Variants in GIPR observed in about 807,000 individuals in gnomAD.
The protein encoded by GIPR is GIP-R.
In GIPR, 74 loss-of-function variants were observed where a neutral mutation model predicts 62.2. The ratio of observed to expected loss-of-function variants is 1.19; its 90% CI spans 0.99 to 1.44. The LOEUF (loss-of-function observed/expected upper bound fraction) is 1.44, where lower values mean the gene tolerates loss of function less well. Ranked by LOEUF, GIPR falls within the 40% of genes most tolerant of loss-of-function variation. GIPR has a pLI of 0.00. For synonymous variants in GIPR, 256 were observed against 262.2 expected (o/e 0.98, Z 0.23); for missense variants, 664 against 611.8 (o/e 1.09, Z -0.90).
intron 12 of GIPR, chr19:45,678,452 C>A (rs964330700): frequency 1.2e-5 from 7 of 595,266 alleles, no homozygotes; most frequent in Non-Finnish European, 2.1e-5. Flanking sequence ...CAGCCTCTGA[C>A]TCCCGGGTTC....
intron 12 of GIPR, among the ~76,000 whole-genome samples, chr19:45,680,922 C>T (rs373164815): frequency 3.3e-5 from 5 of 151,940 alleles, no homozygotes; most frequent in African/African-American, 1.2e-4. Context: ...ATTACTGCTC[C>T]ATTTTCCAGA....
Position 45,671,289 on chromosome 19 carries a change from C to T in GIPR, c.177C>T (p.Leu59=). ...GGCCCCCGTGCCCACCCCCAGGCCT[C>T]GCCTGTAACGGGTCCTTCGATATGT... ...TLAAAEPPSG[L]ACNGSFDMYV... Residue 59 remains leucine, a synonymous_variant, in exon 4 of 14, where the codon CTC becomes CTT. Coordinates refer to ENST00000590918, the MANE Select transcript of GIPR (RefSeq NM_000164.4). 6.2e-7 allele frequency: 1 copy of T among 1,607,694 alleles called. No individual in the cohort carries two copies. The highest frequency in any genetic ancestry group is 1.1e-5 in the South Asian group (1 of 91,012).
At chr19:45,677,849 C>T in intron 10 of GIPR, 57 bp from the exon 11 acceptor site, 1 of 1,596,604 alleles carries the variant, frequency 6.3e-7, no homozygotes, top group Non-Finnish European at 8.6e-7. Flanking sequence ...GCTGCCACCT[C>T]CTCCTGCCCC....
At position 45,682,143 on chromosome 19, in the gene GIPR, A is replaced by T; in HGVS notation, c.*208A>T. On this transcript the variant is annotated 3_prime_UTR_variant, in exon 14 of 14. Coordinates refer to ENST00000590918, the MANE Select transcript of GIPR (RefSeq NM_000164.4). ...ACGCTATGGAATGGTTATGAAGGGA[A>T]GCGAGAAGGGGGCCTAGGGTGGTCT... The T allele has an allele frequency of 1.7e-6, 1 of 597,826 alleles. No homozygotes were observed. The highest frequency in any genetic ancestry group is 3.0e-6 in the Non-Finnish European group (1 of 336,182). The allele number at this position is 597,826 out of a possible 1,614,324, so 37.0% of individuals were successfully genotyped here.
intron 2 of GIPR, chr19:45,670,385 C>A: frequency 2.2e-6 from 1 of 445,030 alleles, no homozygotes; most frequent in Admixed American, 3.7e-5. Flanking sequence ...CCCAACAAGT[C>A]CTCCTGATAA....
intron 2 of GIPR, 197 bp from the exon 3 acceptor site, chr19:45,670,438 C>A: frequency 2.1e-6 from 1 of 468,022 alleles, no homozygotes; most frequent in Admixed American, 3.6e-5. Flanking sequence ...GGTTTTCAGT[C>A]TCCCATAGCA....
At chr19:45,672,767 C>T in intron 4 of GIPR, 84 bp from the exon 5 acceptor site, 3 of 803,462 alleles carry the variant, frequency 3.7e-6, no homozygotes, top group East Asian at 5.1e-5. Flanking sequence ...GGCTCTCTCC[C>T]TCTCTGTTAT....
chr19:45,682,532 T>A lies in GIPR; in HGVS notation c.*597T>A, dbSNP rs930391879. The A allele has an allele frequency of 2.0e-5, 3 of 152,086 alleles. No homozygotes were observed. The highest frequency in any genetic ancestry group is 7.3e-5 in the African/African-American group (3 of 41,288). 9.4% of individuals were successfully genotyped at this position (152,086 alleles called of 1,614,324 possible). On this transcript the variant is annotated 3_prime_UTR_variant, in exon 14 of 14. Coordinates refer to ENST00000590918, the MANE Select transcript of GIPR (RefSeq NM_000164.4). The stretch of plus-strand genomic sequence containing the variant: ...TCCCACCACGGGTCTCTCAAAGTGC[T>A]GGGATTACAGGCGTGAGCCACCGCA...
At chr19:45,681,190 C>T (rs1488348923) in intron 12 of GIPR, among the ~76,000 whole-genome samples, 1 of 151,984 alleles carries the variant, frequency 6.6e-6, no homozygotes, top group Non-Finnish European at 1.5e-5. Flanking sequence ...AGGGCGCGAG[C>T]TTATTAAGAG....
chr19:45,677,834 A>C, intron 10 of GIPR, 55 bp downstream of exon 10: 1 of 1,595,614 alleles, frequency 6.3e-7, no homozygotes, highest in East Asian at 2.2e-5. Flanking sequence ...CATTCTGGGA[A>C]GTGGGCTGCC....
At position 45,682,360 on chromosome 19, in the gene GIPR, G is replaced by A. The variant is rs1286052548; in HGVS notation, c.*425G>A. ...CCAACAGGTGGGGAGAGACAGAGAA[G>A]TGGGCAGGGGCACCCAAGTTGGGAT... On this transcript the variant is annotated 3_prime_UTR_variant, in exon 14 of 14. Coordinates refer to ENST00000590918, the MANE Select transcript of GIPR (RefSeq NM_000164.4). 10 of 176,606 alleles carry A rather than the reference G, an allele frequency of 5.7e-5. No homozygotes were observed. The highest frequency in any genetic ancestry group is 1.1e-4 in the Non-Finnish European group (9 of 84,474). The allele number at this position is 176,606 out of a possible 1,614,324, so 10.9% of individuals were successfully genotyped here.
At chr19:45,670,777 G>T in intron 3 of GIPR, 43 bp downstream of exon 3, 2 of 1,190,270 alleles carry the variant, frequency 1.7e-6, no homozygotes, top group Non-Finnish European at 1.2e-6. Flanking sequence ...ACCTGAGGCT[G>T]AGAGGGGTGG....
rs781235143 is a variant in GIPR, at chr19:45,669,492, C to G, written c.-29C>G. ...GACCCTCCAGGCCTGATCGCCCCTG[C>G]ACGAACCAGACCCTTCGCCGCCCTC... is the stretch of plus-strand genomic sequence containing the variant. On this transcript the variant is annotated 5_prime_UTR_variant, in exon 2 of 14. Coordinates refer to ENST00000590918, the MANE Select transcript of GIPR (RefSeq NM_000164.4). 6.4e-7 allele frequency: 1 copy of G among 1,560,008 alleles called. No individual in the cohort carries two copies. The highest frequency in any genetic ancestry group is 1.2e-5 in the South Asian group (1 of 85,086).
Position 45,670,053 on chromosome 19 carries a change from C to T in GIPR, c.72+461C>T, listed in dbSNP as rs915824194. Among the ~76,000 whole-genome samples the T allele has an allele frequency of 2.0e-5, 3 of 151,314 alleles. No individual in the cohort carries two copies. In the East Asian group the frequency reaches 5.9e-4, roughly 30 times the overall value. On this transcript the variant is annotated intron_variant, in intron 2 of 13. Coordinates refer to ENST00000590918, the MANE Select transcript of GIPR (RefSeq NM_000164.4). ...GGTGGTTTGTTTGTTTGTTTCGAGA[C>T]GGAGTCTCACTCTGTCACCCAGGCT...
At chr19:45,677,831 G>T (rs539793453) in intron 10 of GIPR, 52 bp downstream of exon 10, 25 of 1,600,562 alleles carry the variant, frequency 1.6e-5, no homozygotes, top group Middle Eastern at 1.6e-4. Context: ...TCCCATTCTG[G>T]GAAGTGGGCT....
rs1967274742 is a variant in GIPR, at chr19:45,682,009, A to C, written c.*74A>C. 1 of 1,270,176 alleles carries C rather than the reference A, an allele frequency of 7.9e-7. No homozygotes were observed. The highest frequency in any genetic ancestry group is 2.0e-5 in the Admixed American group (1 of 49,936). 78.7% of individuals were successfully genotyped at this position (1,270,176 alleles called of 1,614,324 possible). On this transcript the variant is annotated 3_prime_UTR_variant, in exon 14 of 14. Transcript: ENST00000590918. The stretch of plus-strand genomic sequence containing the variant: ...CAACTGCGTGCCAGGCCCAGTACGG[A>C]GGACGCTGGGGAAATGGTGAAGGAA...
At chr19:45,669,615 G>A in intron 2 of GIPR, 23 bp downstream of exon 2, 3 of 1,564,776 alleles carry the variant, frequency 1.9e-6, no homozygotes, top group Non-Finnish European at 2.6e-6. Context: ...GGAGCCAGAG[G>A]AGCTCCAGGC....
In GIPR at chr19:45,682,595, C is replaced by CT. The variant is rs1201833194; in HGVS notation, c.*661dup. Reference sequence around the variant, plus strand: ...TTTTTTTTTTAAACGGAGTCTCACTCTGTCACCCAGGCTGGAGTGCAGTGG... The same window carrying CT: ...TTTTTTTTTTAAACGGAGTCTCACTCTTGTCACCCAGGCTGGAGTGCAGTGG... On this transcript the variant is annotated 3_prime_UTR_variant, in exon 14 of 14. Transcript: ENST00000590918. The CT allele has an allele frequency of 1.3e-5, 2 of 149,580 alleles. No individual in the cohort carries two copies. Among genetic ancestry groups the CT allele is most frequent in the East Asian group, 4.0e-4 (2 of 5,044 alleles). The allele number at this position is 149,580 out of a possible 1,614,324, so 9.3% of individuals were successfully genotyped here. A position where few individuals can be genotyped will look rare whatever the true frequency, so the allele number is the denominator to read the frequency against.
chr19:45,669,475 A>T lies in GIPR; in HGVS notation c.-44-2A>T. ...TGCTGACCTTGCCCTGGGACCCTCCAGGCCTGATCGCCCCTGCACGAACCA... is the reference window on the plus strand; with the variant it reads ...TGCTGACCTTGCCCTGGGACCCTCCTGGCCTGATCGCCCCTGCACGAACCA... On this transcript the variant is annotated splice_acceptor_variant, in intron 1 of 13. Coordinates refer to ENST00000590918, the MANE Select transcript of GIPR (RefSeq NM_000164.4). LOFTEE classifies it low-confidence loss of function (5UTR_SPLICE). 6.5e-7 allele frequency: 1 copy of T among 1,548,666 alleles called. No individual in the cohort carries two copies. Among genetic ancestry groups the T allele is most frequent in the Non-Finnish European group, 8.7e-7 (1 of 1,150,040 alleles).
Sources: allele counts gnomAD v4.1 joint callset (sites outside exome capture counted in the v4.1 genomes callset), GRCh38; gene constraint gnomAD v4.1.1; transcripts MANE v1.5; gene names NCBI Gene and HGNC (gene_info 2026-07-23, HGNC 2026-07-21).